RBM3: variants seen among roughly 807,000 people sequenced by gnomAD.
RBM3 encodes RNA binding motif protein 3.
A neutral mutation model predicts 12.0 loss-of-function variants in RBM3; 3 were observed. The ratio of observed to expected loss-of-function variants is 0.25; its 90% CI spans 0.11 to 0.65. The LOEUF is 0.65. Among genes scored for constraint, RBM3 ranks in the 30% least tolerant of loss-of-function variants. The pLI, the probability that RBM3 is intolerant of heterozygous loss-of-function variation, is 0.84. For missense variants in RBM3, 108 were observed against 134.5 expected (o/e 0.80, Z 0.97); for synonymous variants, 58 against 45.7 (o/e 1.27, Z -1.08).
intron 1 of RBM3, 93 bp from the exon 2 acceptor site, chrX:48,575,075 T>C (rs1226536986): frequency 1.6e-6 from 1 of 639,303 alleles, no homozygotes; most frequent in Non-Finnish European, 2.5e-6. Flanking sequence ...TTGTCTATTT[T>C]CTGTGCTTTT....
chrX:48,577,221 A>G (rs981491318), intron 6 of RBM3, 112 bp downstream of exon 6: 7 of 1,154,593 alleles, frequency 6.1e-6, no homozygotes, highest in Admixed American at 2.7e-5. Context: ...TACCTCACCC[A>G]GCCAACCTAC....
rs782759357 is a variant in RBM3, at chrX:48,578,117, A to T, written c.*676A>T. 1 of 110,664 alleles carries T rather than the reference A, an allele frequency of 9.0e-6. No individual in the cohort carries two copies. Among genetic ancestry groups the T allele is most frequent in the Non-Finnish European group, 1.9e-5 (1 of 52,875 alleles). 9.1% of individuals were successfully genotyped at this position (110,664 alleles called of 1,213,427 possible). On this transcript the variant is annotated 3_prime_UTR_variant, in exon 7 of 7. Coordinates refer to ENST00000376759, the MANE Select transcript of RBM3 (RefSeq NM_006743.5). ...ATGTGTATCAAGAACATGATTATCC[A>T]GCGGTATTTTCTAATTCAGATCATC...
rs201870144 is a variant in RBM3, at chrX:48,576,260, C to T, written c.211-54C>T. The T allele has an allele frequency of 2.9e-3, 3,449 of 1,174,986 alleles. 6 individuals are homozygous for T. Among genetic ancestry groups the T allele is most frequent in the Non-Finnish European group, 3.4e-3 (2,982 of 877,503 alleles). ...CACTTACCCTTGCCTGCTCTTCCCT[C>T]ACCATTGCCCTGACTGACTGCCAAC... is the stretch of plus-strand genomic sequence containing the variant. On this transcript the variant is annotated intron_variant, in intron 3 of 6. Coordinates refer to ENST00000376759, the MANE Select transcript of RBM3 (RefSeq NM_006743.5).
chrX:48,574,590 C>T lies in RBM3; in HGVS notation c.-14+17C>T, dbSNP rs1324078073. 2 of 330,959 alleles carry T rather than the reference C, an allele frequency of 6.0e-6. No individual in the cohort carries two copies. Among genetic ancestry groups the T allele is most frequent in the East Asian group, 9.9e-5 (1 of 10,119 alleles). 27.3% of individuals were successfully genotyped at this position (330,959 alleles called of 1,213,427 possible). A position where few individuals can be genotyped will look rare whatever the true frequency, so the allele number is the denominator to read the frequency against. On this transcript the variant is annotated intron_variant, in intron 1 of 6. Coordinates refer to ENST00000376759, the MANE Select transcript of RBM3 (RefSeq NM_006743.5). Reference sequence around the variant, plus strand: ...AATTTCCAGGTAAGTTGCATATGTCCTGCGAAACGGCGGCTCCTCGCCACA... The same window carrying T: ...AATTTCCAGGTAAGTTGCATATGTCTTGCGAAACGGCGGCTCCTCGCCACA...
In RBM3 at chrX:48,575,291, G is replaced by A. The variant is rs201866683; in HGVS notation, c.103+8G>A. The A allele has an allele frequency of 1.3e-4, 158 of 1,178,477 alleles. 1 individual carries two copies. The highest frequency in any genetic ancestry group is 1.8e-4 in the Non-Finnish European group (156 of 869,776). On this transcript the variant is annotated splice_region_variant and intron_variant, in intron 2 of 6. Transcript: ENST00000376759. ...TCGGACCTATCTCTGAGGGTGAGAC[G>A]GGCCATACTCACAATGGGGGTTGGT...
chrX:48,576,752 G>C (rs2062082102), intron 5 of RBM3, 148 bp downstream of exon 5: 1 of 965,559 alleles, frequency 1.0e-6, no homozygotes, highest in Admixed American at 3.9e-5. Context: ...TAATTGTGTA[G>C]TCATATAGTT....
Position 48,575,556 on chromosome X carries a change from C to G in RBM3, c.104-5C>G. Reference sequence around the variant, plus strand: ...ACATTGCTCCATCTTCTCTCCCTCTCACAGTGGTCGTTGTCAAGGACCGGG... The same window carrying G: ...ACATTGCTCCATCTTCTCTCCCTCTGACAGTGGTCGTTGTCAAGGACCGGG... On this transcript the variant is annotated splice_polypyrimidine_tract_variant and splice_region_variant and intron_variant, in intron 2 of 6. Coordinates refer to ENST00000376759, the MANE Select transcript of RBM3 (RefSeq NM_006743.5). 1.7e-6 allele frequency: 2 copies of G among 1,204,210 alleles called. No individual in the cohort carries two copies. Among genetic ancestry groups the G allele is most frequent in the East Asian group, 6.0e-5 (2 of 33,181 alleles).
Position 48,579,509 on chromosome X carries a change from A to G in RBM3, c.*2068A>G, listed in dbSNP as rs1354841684. On this transcript the variant is annotated 3_prime_UTR_variant, in exon 7 of 7. Coordinates refer to ENST00000376759, the MANE Select transcript of RBM3 (RefSeq NM_006743.5). ...CCACCTCACCCACTAAGCCAGGCCC[A>G]GGCTATGGGGCATTGTGGCTAACCC... Among the ~76,000 whole-genome samples the G allele has an allele frequency of 8.9e-6, 1 of 111,775 alleles. No homozygotes were observed. Among genetic ancestry groups the G allele is most frequent in the Non-Finnish European group, 1.9e-5 (1 of 53,184 alleles).
chrX:48,577,846 C>T lies in RBM3; in HGVS notation c.*405C>T. 1 of 139,651 alleles carries T rather than the reference C, an allele frequency of 7.2e-6. No homozygotes were observed. The highest frequency in any genetic ancestry group is 1.4e-5 in the Non-Finnish European group (1 of 70,892). The allele number at this position is 139,651 out of a possible 1,213,427, so 11.5% of individuals were successfully genotyped here. On this transcript the variant is annotated 3_prime_UTR_variant, in exon 7 of 7. Coordinates refer to ENST00000376759, the MANE Select transcript of RBM3 (RefSeq NM_006743.5). ...CACAGTGTTTATTGTGGTTAGGAAG[C>T]AATTTCCCAATGTACCTATAAGAAA...
Position 48,576,535 on chromosome X carries a change from G to A in RBM3, c.344G>A (p.Gly115Asp). ...GGTGGGGACCAGGGCTATGGGAGTG[G>A]CAGGTATTATGACAGTCGACCTGGA... ...RGGGDQGYGS[G>D]RYYDSRPGGY... is the part of the protein sequence containing the mutation. Residue 115 changes from glycine to aspartate, a missense_variant, in exon 5 of 7, where the codon GGC becomes GAC. Gly to Asp is a moderately conservative substitution (Grantham distance 94). This residue lies in a region of RBM3 where 65 missense variants were observed against 54.9 expected (regional missense o/e 1.18). Coordinates refer to ENST00000376759, the MANE Select transcript of RBM3 (RefSeq NM_006743.5). The A allele has an allele frequency of 8.4e-7, 1 of 1,191,188 alleles. No homozygotes were observed. Among genetic ancestry groups the A allele is most frequent in the Non-Finnish European group, 1.1e-6 (1 of 884,578 alleles).
At position 48,574,587 on chromosome X, in the gene RBM3, G is replaced by A; in HGVS notation, c.-14+14G>A. ...TTTAATTTCCAGGTAAGTTGCATAT[G>A]TCCTGCGAAACGGCGGCTCCTCGCC... is the stretch of plus-strand genomic sequence containing the variant. On this transcript the variant is annotated intron_variant, in intron 1 of 6. Transcript: ENST00000376759. The A allele has an allele frequency of 3.0e-6, 1 of 331,975 alleles. No homozygotes were observed. 27.4% of individuals were successfully genotyped at this position (331,975 alleles called of 1,213,427 possible). A position where few individuals can be genotyped will look rare whatever the true frequency, so the allele number is the denominator to read the frequency against.
intron 5 of RBM3, 83 bp from the exon 6 acceptor site, chrX:48,576,943 A>G: frequency 1.8e-6 from 2 of 1,088,025 alleles, no homozygotes; most frequent in Non-Finnish European, 2.5e-6. Context: ...TATGACCCAT[A>G]CTGTAAAATG....
rs1556989796 is a variant in RBM3 at position 48,578,048 on chromosome X, T to TCCA, written c.*608_*610dup. 1 of 109,841 alleles carries TCCA rather than the reference T, an allele frequency of 9.1e-6. No homozygotes were observed. Among genetic ancestry groups the TCCA allele is most frequent in the East Asian group, 2.8e-4 (1 of 3,525 alleles). 9.1% of individuals were successfully genotyped at this position (109,841 alleles called of 1,213,427 possible). A position where few individuals can be genotyped will look rare whatever the true frequency, so the allele number is the denominator to read the frequency against. On this transcript the variant is annotated 3_prime_UTR_variant, in exon 7 of 7. Transcript: ENST00000376759. ...GTGAGCTAAGATCGCGCCACTGTAC[T>TCCA]CCAGCCTGGGCAACAGCGAGACTCC... is the stretch of plus-strand genomic sequence containing the variant.
At chrX:48,575,081 C>T (rs1015947150) in intron 1 of RBM3, 87 bp from the exon 2 acceptor site, 11 of 690,651 alleles carry the variant, frequency 1.6e-5, no homozygotes, top group Non-Finnish European at 2.5e-5. Flanking sequence ...ATTTTCTGTG[C>T]TTTTTCTCTG....
chrX:48,578,564 CTG>C lies in RBM3; in HGVS notation c.*1125_*1126del, dbSNP rs1325793263. 1 of 33,882 alleles carries C rather than the reference CTG, an allele frequency of 3.0e-5. No individual in the cohort carries two copies. Among genetic ancestry groups the C allele is most frequent in the Non-Finnish European group, 5.9e-5 (1 of 17,035 alleles). 2.8% of individuals were successfully genotyped at this position (33,882 alleles called of 1,213,427 possible). A position where few individuals can be genotyped will look rare whatever the true frequency, so the allele number is the denominator to read the frequency against. On this transcript the variant is annotated 3_prime_UTR_variant, in exon 7 of 7. Coordinates refer to ENST00000376759, the MANE Select transcript of RBM3 (RefSeq NM_006743.5). The stretch of plus-strand genomic sequence containing the variant: ...CTCCAGCCTAGGTGACAGCAAGACT[CTG>C]TCTCAAAAAAAAAAAAATGGCACAT...
rs2062092941 is a variant in RBM3 at position 48,579,029 on chromosome X, GAA to G, written c.*1589_*1590del. 1 of 110,809 alleles carries G rather than the reference GAA, an allele frequency of 9.0e-6. No individual in the cohort carries two copies. Among genetic ancestry groups the G allele is most frequent in the African/African-American group, 3.3e-5 (1 of 30,628 alleles). The allele number at this position is 110,809 out of a possible 1,213,427, so 9.1% of individuals were successfully genotyped here. A position where few individuals can be genotyped will look rare whatever the true frequency, so the allele number is the denominator to read the frequency against. On this transcript the variant is annotated 3_prime_UTR_variant, in exon 7 of 7. Coordinates refer to ENST00000376759, the MANE Select transcript of RBM3 (RefSeq NM_006743.5). ...GTTAATTGGCATATAAAGCCACTGAGAAGAGTTGGCAAAGCTCTCAGTCACGG... is the reference window on the plus strand; with the variant it reads ...GTTAATTGGCATATAAAGCCACTGAGGAGTTGGCAAAGCTCTCAGTCACGG...
At chrX:48,576,922 A>C in intron 5 of RBM3, 104 bp from the exon 6 acceptor site, 1 of 993,540 alleles carries the variant, frequency 1.0e-6, no homozygotes, top group South Asian at 2.3e-5. Context: ...TTTGATACGT[A>C]AGGTTTATGT....
Position 48,576,716 on chromosome X carries a change from T to C in RBM3, c.413+112T>C, listed in dbSNP as rs1169409691. 6.6e-6 allele frequency: 7 copies of C among 1,064,873 alleles called. No homozygotes were observed. In the South Asian group the frequency reaches 7.1e-5, roughly 11 times the overall value. 87.8% of individuals were successfully genotyped at this position (1,064,873 alleles called of 1,213,427 possible). A position where few individuals can be genotyped will look rare whatever the true frequency, so the allele number is the denominator to read the frequency against. ...TGCTGTTACTAATGTGTACCTAAAA[T>C]GAGTATGAAATTTAGCATTTTAAGT... On this transcript the variant is annotated intron_variant, in intron 5 of 6. Coordinates refer to ENST00000376759, the MANE Select transcript of RBM3 (RefSeq NM_006743.5).
chrX:48,574,695 G>T (rs781939189), intron 1 of RBM3, 122 bp downstream of exon 1: 2 of 331,261 alleles, frequency 6.0e-6, no homozygotes, highest in South Asian at 5.2e-5. Flanking sequence ...GGCTTTCTCT[G>T]GGACGGGCGG....
Sources: allele counts gnomAD v4.1 joint callset (sites outside exome capture counted in the v4.1 genomes callset), GRCh38; gene constraint gnomAD v4.1.1; regional missense constraint gnomAD v4.1.1; transcripts MANE v1.5; gene names NCBI Gene and HGNC (gene_info 2026-07-23, HGNC 2026-07-21).